Variants in GRIA1 observed in about 807,000 individuals in gnomAD.
The protein encoded by GRIA1 is glutamate ionotropic receptor AMPA type subunit 1.
GRIA1 carries 31 observed loss-of-function variants against 99.2 expected under a neutral mutation model. That is an observed-to-expected ratio of 0.31 (90% CI 0.23 to 0.42). The LOEUF is 0.42. Ranked by LOEUF, GRIA1 falls within the 10% of genes least tolerant of loss-of-function variation. The probability of loss-of-function intolerance (pLI) is 1.00; values close to 1 mark genes in which losing one functional copy is unlikely to be tolerated. For missense variants in GRIA1, 782 were observed against 1,157.5 expected (o/e 0.68, Z 4.71); for synonymous variants, 438 against 432.4 (o/e 1.01, Z -0.16).
At chr5:153,528,613 T>C (rs1023536582) in intron 2 of GRIA1, among the ~76,000 whole-genome samples, 1 of 152,220 alleles carries the variant, frequency 6.6e-6, no homozygotes, top group Non-Finnish European at 1.5e-5. Flanking sequence ...GGACCACCTT[T>C]TGAGAATCAC....
At chr5:153,504,833 G>A (rs1228810746) in intron 2 of GRIA1, among the ~76,000 whole-genome samples, 1 of 152,122 alleles carries the variant, frequency 6.6e-6, no homozygotes, top group Non-Finnish European at 1.5e-5. Context: ...GTGATCCTGA[G>A]GCACCAATAC....
chr5:153,545,522 G>A (rs1156799678), intron 2 of GRIA1, among the ~76,000 whole-genome samples: 1 of 152,128 alleles, frequency 6.6e-6, no homozygotes, highest in East Asian at 1.9e-4. Flanking sequence ...AAGGATATTT[G>A]CAAAGAACAT....
At chr5:153,768,052 A>G (rs1250420236) in intron 12 of GRIA1, among the ~76,000 whole-genome samples, 1 of 152,152 alleles carries the variant, frequency 6.6e-6, no homozygotes, top group Non-Finnish European at 1.5e-5. Context: ...TGTCAGGTCA[A>G]ATTGCATCTT....
At chr5:153,790,440 G>C (rs1386158169) in intron 13 of GRIA1, among the ~76,000 whole-genome samples, 1 of 152,082 alleles carries the variant, frequency 6.6e-6, no homozygotes, top group Non-Finnish European at 1.5e-5. Flanking sequence ...GTTGTTCCTA[G>C]GTAGGCATGA....
intron 14 of GRIA1, among the ~76,000 whole-genome samples, chr5:153,797,723 C>T (rs1192105299): frequency 6.6e-6 from 1 of 152,162 alleles, no homozygotes; most frequent in Non-Finnish European, 1.5e-5. Flanking sequence ...GTGCATTGTA[C>T]AGCAGCCGGT....
At chr5:153,808,301 C>T (rs932099959) in intron 15 of GRIA1, among the ~76,000 whole-genome samples, 2 of 151,754 alleles carry the variant, frequency 1.3e-5, no homozygotes, top group Non-Finnish European at 2.9e-5. Context: ...GAATGGCTGG[C>T]ATGTCAAGGA....
At chr5:153,541,356 G>A (rs1759074015) in intron 2 of GRIA1, among the ~76,000 whole-genome samples, 1 of 152,170 alleles carries the variant, frequency 6.6e-6, no homozygotes, top group South Asian at 2.1e-4. Context: ...GTGGGAAGAG[G>A]AAAGGACCTA....
At chr5:153,677,363 G>T (rs903039181) in intron 7 of GRIA1, among the ~76,000 whole-genome samples, 1 of 152,146 alleles carries the variant, frequency 6.6e-6, no homozygotes, top group Non-Finnish European at 1.5e-5. Flanking sequence ...GTCATTTCTT[G>T]TAGTGTAAAA....
intron 8 of GRIA1, among the ~76,000 whole-genome samples, chr5:153,688,101 A>G (rs1757465416): frequency 6.6e-6 from 1 of 152,004 alleles, no homozygotes; most frequent in African/African-American, 2.4e-5. Context: ...CCTCTCTCTG[A>G]CCCTTCTTCT....
intron 1 of GRIA1, among the ~76,000 whole-genome samples, 191 bp from the exon 2 acceptor site, chr5:153,493,737 A>C (rs1052925085): frequency 2.0e-5 from 3 of 152,218 alleles, no homozygotes; most frequent in African/African-American, 7.2e-5. Flanking sequence ...CCCATGTCAC[A>C]AAAAAGCTCA....
chr5:153,670,012 T>C (rs963860819), intron 5 of GRIA1, among the ~76,000 whole-genome samples: 1 of 152,212 alleles, frequency 6.6e-6, no homozygotes, highest in African/African-American at 2.4e-5. Flanking sequence ...AGATATCCAG[T>C]TTCCTCTTTA....
chr5:153,731,863 T>C (rs1249619376), intron 11 of GRIA1, among the ~76,000 whole-genome samples: 1 of 152,168 alleles, frequency 6.6e-6, no homozygotes, highest in Non-Finnish European at 1.5e-5. Flanking sequence ...TTATTCGTTT[T>C]ATAACTTCAA....
At chr5:153,581,812 A>G (rs1156573771) in intron 2 of GRIA1, among the ~76,000 whole-genome samples, 12 of 147,630 alleles carry the variant, frequency 8.1e-5, no homozygotes, top group African/African-American at 2.8e-4. Context: ...GTGCAGTGGC[A>G]TGATCTCCGC....
At position 153,698,944 on chromosome 5, in the gene GRIA1, G is replaced by T. The variant is rs773322418; in HGVS notation, c.1323G>T (p.Glu441Asp). 6.2e-7 allele frequency: 1 copy of T among 1,610,668 alleles called. No individual in the cohort carries two copies. Among genetic ancestry groups the T allele is most frequent in the South Asian group, 1.1e-5 (1 of 90,852 alleles). ...GNDRYEGYCV[E>D]LAAEIAKHVG... ...ACCGTTACGAGGGCTACTGTGTAGA[G>T]CTGGCGGCAGAGATTGCCAAGCACG... The change falls in exon 10 of 16, where the codon GAG becomes GAT. Residue 441 changes from glutamate (E) to aspartate (D), a missense_variant. Glu to Asp is a conservative substitution (Grantham distance 45, BLOSUM62 2). Around this residue, in one of 5 missense-constraint regions of GRIA1, gnomAD observed 87 missense variants for 184.5 expected, o/e 0.47. Transcript: ENST00000285900.
chr5:153,565,397 A>G (rs1332760475), intron 2 of GRIA1, among the ~76,000 whole-genome samples: 2 of 152,202 alleles, frequency 1.3e-5, no homozygotes, highest in African/African-American at 4.8e-5. Flanking sequence ...TTTCCCAAAA[A>G]AGTAAAATAG....
At chr5:153,673,231 A>C (rs1756327995) in intron 5 of GRIA1, among the ~76,000 whole-genome samples, 1 of 152,154 alleles carries the variant, frequency 6.6e-6, no homozygotes, top group Non-Finnish European at 1.5e-5. Flanking sequence ...CACAGGCATC[A>C]CTTCACTCAG....
chr5:153,625,911 A>T, intron 2 of GRIA1, among the ~76,000 whole-genome samples: 1 of 152,344 alleles, frequency 6.6e-6, no homozygotes, highest in East Asian at 1.9e-4. Context: ...GAATAGGCTT[A>T]GGCTCATGCC....
upstream of GRIA1, among the ~76,000 whole-genome samples, chr5:153,490,019 T>C (rs1428933095): frequency 6.6e-6 from 1 of 151,828 alleles, no homozygotes; most frequent in African/African-American, 2.4e-5. Context: ...TGCCAGTCAC[T>C]CCAGATCCTC....
In GRIA1 at chr5:153,811,074, C is replaced by T; in HGVS notation, c.2570C>T (p.Ser857Leu). The change falls in exon 16 of 16, where the codon TCG becomes TTG. Residue 857 changes from serine (S) to leucine (L), a missense_variant. Physicochemically the swap from Ser to Leu is moderately radical, Grantham distance 145 (BLOSUM62 -2). Around this residue, in one of 5 missense-constraint regions of GRIA1, gnomAD observed 76 missense variants for 81.2 expected, o/e 0.94. Transcript: ENST00000285900. Reference sequence around the variant, plus strand: ...TCCATCAACGAAGCCATACGGACATCGACCCTCCCCCGCAACAGCGGGGCA... The same window carrying T: ...TCCATCAACGAAGCCATACGGACATTGACCCTCCCCCGCAACAGCGGGGCA... ...QQSINEAIRT[S>L]TLPRNSGAGA... 1.9e-6 allele frequency: 3 copies of T among 1,614,104 alleles called. No homozygotes were observed. The highest frequency in any genetic ancestry group is 2.5e-6 in the Non-Finnish European group (3 of 1,179,958).
Sources: gnomAD v4.1 joint callset for allele counts (sites outside exome capture counted in the v4.1 genomes callset) on GRCh38, gnomAD v4.1.1 for gene constraint, gnomAD v4.1.1 regional missense constraint, MANE v1.5 for transcripts, NCBI Gene and HGNC (gene_info 2026-07-23, HGNC 2026-07-21) for gene names.